The following HMGB1 variants were observed in gnomAD, a reference collection of about 807,000 sequenced individuals.
HMGB1 encodes the protein high mobility group box 1.
For synonymous variants in HMGB1, 81 were observed against 84.0 expected (o/e 0.96, Z 0.19); for missense variants, 79 against 253.5 (o/e 0.31, Z 4.67).
chr13:30,485,257 C>T (rs1171718253), intron 1 of HMGB1, among the ~76,000 whole-genome samples: 1 of 152,162 alleles, frequency 6.6e-6, no homozygotes, highest in African/African-American at 2.4e-5. Flanking sequence ...TCTCAAACTC[C>T]TGACCTCAAG....
intron 1 of HMGB1, among the ~76,000 whole-genome samples, chr13:30,483,477 C>G (rs867815469): frequency 1.9e-4 from 29 of 152,150 alleles, no homozygotes; most frequent in African/African-American, 5.1e-4. Context: ...CCTGCTCACT[C>G]TACTCCAACC....
At chr13:30,550,834 T>A (rs1869393670) in intron 1 of HMGB1, among the ~76,000 whole-genome samples, 1 of 152,254 alleles carries the variant, frequency 6.6e-6, no homozygotes, top group Non-Finnish European at 1.5e-5. Flanking sequence ...ATATTACATT[T>A]ACTAAGAAGT....
intron 1 of HMGB1, among the ~76,000 whole-genome samples, chr13:30,484,088 T>C (rs111637021): frequency 1.2e-4 from 18 of 152,326 alleles, no homozygotes; most frequent in African/African-American, 3.8e-4. Context: ...CAACTCATGC[T>C]TGTCTTTCAG....
intron 1 of HMGB1, among the ~76,000 whole-genome samples, chr13:30,550,837 T>G (rs1373551394): frequency 6.6e-6 from 1 of 152,236 alleles, no homozygotes; most frequent in African/African-American, 2.4e-5. Flanking sequence ...TTACATTTAC[T>G]AAGAAGTAGA....
chr13:30,549,636 C>T (rs1427503651), intron 1 of HMGB1, among the ~76,000 whole-genome samples: 1 of 152,042 alleles, frequency 6.6e-6, no homozygotes. Context: ...CTCAACAGAC[C>T]CTCCTGCTTC....
At chr13:30,564,803 G>A (rs140843402) in intron 1 of HMGB1, among the ~76,000 whole-genome samples, 1,934 of 152,272 alleles carry the variant, frequency 0.013, 20 homozygotes, top group Non-Finnish European at 0.02. Flanking sequence ...AGAAACTGGA[G>A]GCAGAAAGAG....
At chr13:30,548,522 C>T (rs1178144920) in intron 1 of HMGB1, among the ~76,000 whole-genome samples, 3 of 152,212 alleles carry the variant, frequency 2.0e-5, no homozygotes, top group Non-Finnish European at 4.4e-5. Flanking sequence ...CATTAGCGAA[C>T]AGTGTCTATT....
intron 1 of HMGB1, among the ~76,000 whole-genome samples, chr13:30,471,438 C>T (rs1886927438): frequency 6.6e-6 from 1 of 151,668 alleles, no homozygotes; most frequent in African/African-American, 2.4e-5. Context: ...ACCTCTGTCT[C>T]CCAGGTTCAA....
intron 1 of HMGB1, among the ~76,000 whole-genome samples, chr13:30,501,569 TA>T (rs34042075): frequency 0.47 from 70,884 of 151,944 alleles, 18,170 homozygotes; most frequent in South Asian, 0.56. Context: ...ATAAATGCAT[TA>T]AATAGAAATT....
chr13:30,469,876 G>A (rs757968732), upstream of HMGB1, among the ~76,000 whole-genome samples: 1 of 152,182 alleles, frequency 6.6e-6, no homozygotes, highest in South Asian at 2.1e-4. Context: ...TGATCCGCCC[G>A]CCTTGGCCTC....
chr13:30,492,757 G>A (rs1284940418), intron 1 of HMGB1, among the ~76,000 whole-genome samples: 2 of 152,076 alleles, frequency 1.3e-5, no homozygotes, highest in African/African-American at 4.8e-5. Context: ...TTGGGAGGCT[G>A]AGGCAGGCGG....
chr13:30,465,245 C>A (rs1324621116), intron 1 of HMGB1: 1 of 216,014 alleles, frequency 4.6e-6, no homozygotes, highest in Admixed American at 7.0e-5. Context: ...CGCACTGCCG[C>A]CCCCAGGCCC....
intron 1 of HMGB1, among the ~76,000 whole-genome samples, chr13:30,520,797 C>T (rs1187635503): frequency 2.0e-5 from 3 of 152,150 alleles, no homozygotes; most frequent in Non-Finnish European, 4.4e-5. Context: ...GAGAATCCAA[C>T]AGTACTAAAA....
chr13:30,599,299 T>C (rs762085030), intron 1 of HMGB1, among the ~76,000 whole-genome samples: 3 of 151,972 alleles, frequency 2.0e-5, no homozygotes, highest in Non-Finnish European at 4.4e-5. Flanking sequence ...AGAAACCCCG[T>C]CTCTACTAAA....
In HMGB1 at chr13:30,531,670, T is replaced by G. The variant is rs544214192; in HGVS notation, c.-14-67976A>C. Among the ~76,000 whole-genome samples, 1,104 of 149,432 alleles carry G rather than the reference T, an allele frequency of 7.4e-3. 11 individuals are homozygous for G. The highest frequency in any genetic ancestry group is 0.013 in the Non-Finnish European group (840 of 67,094). On this transcript the variant is annotated intron_variant, in intron 1 of 4. Transcript: ENST00000405805. ...ATCCCAGCACTTTGGGAGGCCGAGG[T>G]GGGCGGATCACCTGAGGTCAGGAGT...
intron 1 of HMGB1, among the ~76,000 whole-genome samples, chr13:30,515,040 T>G (rs1888073173): frequency 6.6e-6 from 1 of 152,164 alleles, no homozygotes; most frequent in African/African-American, 2.4e-5. Flanking sequence ...GGCCTGACCC[T>G]CATCATACTA....
chr13:30,613,075 C>T (rs926675689), intron 1 of HMGB1, among the ~76,000 whole-genome samples: 12 of 151,952 alleles, frequency 7.9e-5, no homozygotes, highest in African/African-American at 2.7e-4. Context: ...TTCTTTTAGG[C>T]CTTGTTTTTG....
intron 1 of HMGB1, among the ~76,000 whole-genome samples, chr13:30,539,273 T>C (rs1712132551): frequency 6.6e-6 from 1 of 152,192 alleles, no homozygotes; most frequent in African/African-American, 2.4e-5. Context: ...GAACATTTTG[T>C]TTTGAGATGG....
chr13:30,510,266 C>A (rs1014974504), intron 1 of HMGB1, among the ~76,000 whole-genome samples: 17 of 152,044 alleles, frequency 1.1e-4, no homozygotes, highest in African/African-American at 3.6e-4. Context: ...TGGGGGTAGG[C>A]ATCTTTGCCT....
Sources: allele counts gnomAD v4.1 joint callset (sites outside exome capture counted in the v4.1 genomes callset), GRCh38; gene constraint gnomAD v4.1.1; transcripts MANE v1.5; gene names NCBI Gene and HGNC (gene_info 2026-07-23, HGNC 2026-07-21).